Variants in SEMA3C observed in about 807,000 individuals in gnomAD.
The protein encoded by SEMA3C is semaphorin 3C, also known as semaphorin-3C.
A neutral mutation model predicts 89.4 loss-of-function variants in SEMA3C; 47 were observed. The observed-to-expected ratio is 0.53, with a 90% confidence interval of 0.42 to 0.67. The LOEUF is 0.67. SEMA3C is among the 30% of genes least tolerant of loss of function. The probability of loss-of-function intolerance (pLI) is 0.00; values close to 1 mark genes in which losing one functional copy is unlikely to be tolerated. For missense variants in SEMA3C, 839 were observed against 929.1 expected (o/e 0.90, Z 1.26); for synonymous variants, 310 against 320.2 (o/e 0.97, Z 0.34).
Position 80,833,475 on chromosome 7 carries a change from GAAAGA to G in SEMA3C, c.104-4735_104-4731del, listed in dbSNP as rs1386518642. Among the ~76,000 whole-genome samples, 7 of 151,722 alleles carry G rather than the reference GAAAGA, an allele frequency of 4.6e-5. No homozygotes were observed. The East Asian group carries it at 1.4e-3, about 30-fold the overall frequency. On this transcript the variant is annotated intron_variant, in intron 2 of 17. Transcript: ENST00000265361. ...AGACTCTGTCTAAAAAAAAAAGAAA[GAAAGA>G]AAAGAAAAGAAAATCGTCAATCTAT... is the stretch of plus-strand genomic sequence containing the variant.
At chr7:80,851,504 TAAAA>T (rs35936052) in intron 2 of SEMA3C, among the ~76,000 whole-genome samples, 8 of 69,802 alleles carry the variant, frequency 1.1e-4, no homozygotes, top group African/African-American at 3.7e-4. Flanking sequence ...CTCTTGTCTT[TAAAA>T]AAAAAAAAAA....
chr7:80,788,611 G>A lies in SEMA3C; in HGVS notation c.1354+695C>T, dbSNP rs117097100. Reference sequence around the variant, plus strand: ...AATGCTAGTTATTCCCTATCATGTGGGTCTATAAACAAGCACATTTTCATT... The same window carrying A: ...AATGCTAGTTATTCCCTATCATGTGAGTCTATAAACAAGCACATTTTCATT... On this transcript the variant is annotated intron_variant, in intron 12 of 17. Transcript: ENST00000265361. Among the ~76,000 whole-genome samples, 59 of 152,068 alleles carry A rather than the reference G, an allele frequency of 3.9e-4. No homozygotes were observed. In the East Asian group the frequency reaches 8.3e-3, roughly 21 times the overall value.
At chr7:80,798,834 G>C (rs1212464178) in intron 10 of SEMA3C, among the ~76,000 whole-genome samples, 1 of 152,130 alleles carries the variant, frequency 6.6e-6, no homozygotes, top group Non-Finnish European at 1.5e-5. Context: ...AAATTTGTTT[G>C]AATCTTTAGT....
intron 2 of SEMA3C, among the ~76,000 whole-genome samples, chr7:80,900,758 G>A (rs1344921863): frequency 6.6e-6 from 1 of 152,142 alleles, no homozygotes; most frequent in Non-Finnish European, 1.5e-5. Context: ...CCTGTAAATC[G>A]TGCACAGACT....
intron 2 of SEMA3C, among the ~76,000 whole-genome samples, chr7:80,853,946 T>A (rs1265377047): frequency 7.9e-5 from 12 of 151,332 alleles, no homozygotes. Flanking sequence ...CCCATGAATA[T>A]TAAAAATAAA....
chr7:80,920,949 GATTAA>G (rs1232679056), upstream of SEMA3C, among the ~76,000 whole-genome samples: 3 of 152,138 alleles, frequency 2.0e-5, no homozygotes, highest in Non-Finnish European at 1.5e-5. Flanking sequence ...TGAGTGTGTG[GATTAA>G]ATTAATTTAG....
chr7:80,776,257 T>C (rs1788547337), intron 12 of SEMA3C, among the ~76,000 whole-genome samples: 1 of 147,122 alleles, frequency 6.8e-6, no homozygotes, highest in Non-Finnish European at 1.5e-5. Flanking sequence ...GTCCCTACAA[T>C]ACTGCCAAGT....
At chr7:80,804,426 T>C (rs2115681983) in intron 7 of SEMA3C, among the ~76,000 whole-genome samples, 178 bp from the exon 8 acceptor site, 2 of 152,216 alleles carry the variant, frequency 1.3e-5, no homozygotes, top group South Asian at 4.1e-4. Context: ...ATTTGGAATG[T>C]CGAGTACCAC....
At chr7:80,849,211 G>A (rs1410088106) in intron 2 of SEMA3C, among the ~76,000 whole-genome samples, 1 of 152,052 alleles carries the variant, frequency 6.6e-6, no homozygotes, top group East Asian at 1.9e-4. Context: ...AAGAATACAA[G>A]AATATATACT....
At position 80,904,374 on chromosome 7, in the gene SEMA3C, G is replaced by C. The variant is rs118122246; in HGVS notation, c.103+12305C>G. ...TTTTCATGTTGTTGAGATTCTTACAGATATGTCATTATGTTTCAAAATACA... is the reference window on the plus strand; with the variant it reads ...TTTTCATGTTGTTGAGATTCTTACACATATGTCATTATGTTTCAAAATACA... On this transcript the variant is annotated intron_variant, in intron 2 of 17. Transcript: ENST00000265361. Among the ~76,000 whole-genome samples the C allele has an allele frequency of 1.6e-4, 24 of 152,224 alleles. No individual in the cohort carries two copies. In the East Asian group the frequency reaches 4.6e-3, roughly 29 times the overall value.
intron 12 of SEMA3C, among the ~76,000 whole-genome samples, chr7:80,783,603 C>G (rs1446399826): frequency 1.3e-5 from 2 of 152,216 alleles, no homozygotes; most frequent in African/African-American, 4.8e-5. Context: ...CTCACATGCA[C>G]TGCTCCAGCT....
intron 2 of SEMA3C, among the ~76,000 whole-genome samples, chr7:80,862,930 AC>A (rs751120197): frequency 4.6e-5 from 7 of 152,200 alleles, no homozygotes; most frequent in Non-Finnish European, 1.0e-4. Context: ...CTCTTCTTAT[AC>A]AAAAATCTAC....
intron 13 of SEMA3C, among the ~76,000 whole-genome samples, chr7:80,763,680 T>C (rs993345492): frequency 1.3e-5 from 2 of 152,212 alleles, no homozygotes; most frequent in African/African-American, 2.4e-5. Flanking sequence ...CAAAAGGAGA[T>C]ATTTCAGTAT....
chr7:80,841,454 A>G (rs1790266409), intron 2 of SEMA3C, among the ~76,000 whole-genome samples: 1 of 152,182 alleles, frequency 6.6e-6, no homozygotes, highest in Admixed American at 6.6e-5. Flanking sequence ...CAGGCTATGC[A>G]AACTTTCCTT....
intron 2 of SEMA3C, among the ~76,000 whole-genome samples, chr7:80,895,107 C>T (rs145453679): frequency 1.8e-4 from 27 of 152,268 alleles, no homozygotes; most frequent in African/African-American, 4.3e-4. Context: ...AGCATGCACG[C>T]GCATGTACAC....
intron 2 of SEMA3C, among the ~76,000 whole-genome samples, chr7:80,855,470 A>G (rs1306242402): frequency 6.6e-6 from 1 of 152,060 alleles, no homozygotes; most frequent in Non-Finnish European, 1.5e-5. Context: ...AGGTCTCGCT[A>G]TGTTGCCCAG....
intron 12 of SEMA3C, among the ~76,000 whole-genome samples, chr7:80,781,950 A>T (rs1168750222): frequency 1.3e-5 from 2 of 152,164 alleles, no homozygotes; most frequent in Admixed American, 1.3e-4. Flanking sequence ...CTTGCATGAT[A>T]TTCCAAACTC....
intron 14 of SEMA3C, among the ~76,000 whole-genome samples, chr7:80,761,201 A>G (rs915315496): frequency 1.3e-5 from 2 of 152,196 alleles, no homozygotes; most frequent in African/African-American, 4.8e-5. Flanking sequence ...CATTTCAAAT[A>G]TGTGACAACA....
At chr7:80,910,290 C>T (rs886668320) in intron 2 of SEMA3C, among the ~76,000 whole-genome samples, 2 of 152,092 alleles carry the variant, frequency 1.3e-5, no homozygotes, top group Admixed American at 1.3e-4. Context: ...TAACATATCC[C>T]TATTGAGAGC....
Sources: allele counts gnomAD v4.1 joint callset (sites outside exome capture counted in the v4.1 genomes callset), GRCh38; gene constraint gnomAD v4.1.1; transcripts MANE v1.5; gene names NCBI Gene and HGNC (gene_info 2026-07-23, HGNC 2026-07-21).